The following CCDC171 variants were observed in gnomAD, a reference collection of about 807,000 sequenced individuals.
CCDC171 encodes coiled-coil domain-containing protein 171.
Under a neutral mutation model 168.2 loss-of-function variants are expected in CCDC171, and 177 were observed. The ratio of observed to expected loss-of-function variants is 1.05; its 90% CI spans 0.93 to 1.19. The LOEUF is 1.19. Ranked by LOEUF, CCDC171 falls within the 50% of genes most tolerant of loss-of-function variation. CCDC171 has a pLI of 0.00. For synonymous variants in CCDC171, 687 were observed against 540.8 expected, an observed-to-expected ratio of 1.27 and a Z score of -3.75; for missense variants, 1,991 against 1,539.0, an observed-to-expected ratio of 1.29 and a Z score of -4.91.
At chr9:15,887,106 C>A (rs1399025400) in intron 24 of CCDC171, among the ~76,000 whole-genome samples, 2 of 151,946 alleles carry the variant, frequency 1.3e-5, no homozygotes, top group Non-Finnish European at 2.9e-5. Context: ...AGTAGATCTT[C>A]AGTATTCTCA....
intron 24 of CCDC171, among the ~76,000 whole-genome samples, chr9:15,915,397 T>C (rs1824357169): frequency 6.6e-6 from 1 of 151,966 alleles, no homozygotes; most frequent in Non-Finnish European, 1.5e-5. Context: ...ATTGGATAGC[T>C]TTCTTGATTT....
At chr9:15,914,704 A>C (rs1824243720) in intron 24 of CCDC171, among the ~76,000 whole-genome samples, 2 of 145,126 alleles carry the variant, frequency 1.4e-5, no homozygotes, top group South Asian at 4.5e-4. Context: ...TGAAAAAAAA[A>C]CTCCTGCAGA....
In CCDC171 at chr9:15,578,993, G is replaced by C. The variant is rs1473071920; in HGVS notation, c.322G>C (p.Glu108Gln). The C allele has an allele frequency of 6.2e-7, 1 of 1,613,828 alleles. No homozygotes were observed. The highest frequency in any genetic ancestry group is 8.5e-7 in the Non-Finnish European group (1 of 1,179,916). The change falls in exon 4 of 26, where the codon GAG becomes CAG. Residue 108 changes from glutamate to glutamine, a missense_variant. Physicochemically the swap from Glu to Gln is conservative, Grantham distance 29 (BLOSUM62 2). Coordinates refer to ENST00000380701, the MANE Select transcript of CCDC171 (RefSeq NM_173550.4). Reference protein sequence around the residue: ...GRRAAEERLAEAHRIQEKLCA... With the variant: ...GRRAAEERLAQAHRIQEKLCA... ...ACGGGCTGCTGAAGAAAGATTAGCC[G>C]AGGCACATAGGATCCAAGAAAAACT...
intron 16 of CCDC171, among the ~76,000 whole-genome samples, chr9:15,737,701 T>C (rs775272108): frequency 1.2e-4 from 19 of 152,196 alleles, no homozygotes; most frequent in Admixed American, 7.9e-4. Context: ...ACATACTATT[T>C]TTGGCACATA....
chr9:15,656,120 C>T (rs2132922090), intron 7 of CCDC171, among the ~76,000 whole-genome samples: 1 of 152,164 alleles, frequency 6.6e-6, no homozygotes, highest in Admixed American at 6.6e-5. Flanking sequence ...GAGATCGAGA[C>T]CATCCTGGCT....
At chr9:15,912,611 G>A (rs1440284140) in intron 24 of CCDC171, among the ~76,000 whole-genome samples, 1 of 152,128 alleles carries the variant, frequency 6.6e-6, no homozygotes, top group African/African-American at 2.4e-5. Context: ...TCCTTGTCTT[G>A]TGCTAGTTTT....
At chr9:15,685,662 C>T (rs555614937) in intron 10 of CCDC171, among the ~76,000 whole-genome samples, 8 of 151,794 alleles carry the variant, frequency 5.3e-5, no homozygotes, top group Non-Finnish European at 1.2e-4. Flanking sequence ...CAACCACAAT[C>T]CAGCATTTAA....
intron 16 of CCDC171, 84 bp from the exon 17 acceptor site, chr9:15,744,189 A>G (rs1324572911): frequency 8.8e-7 from 1 of 1,131,378 alleles, no homozygotes; most frequent in Non-Finnish European, 1.2e-6. Flanking sequence ...TTGTCAGCAA[A>G]AGTTTGTTTT....
rs539083454 is a variant in CCDC171 at position 15,656,083 on chromosome 9, G to A, written c.823-1044G>A. Among the ~76,000 whole-genome samples the A allele has an allele frequency of 1.4e-3, 210 of 152,302 alleles. 1 individual carries two copies. The highest frequency in any genetic ancestry group is 5.0e-3 in the African/African-American group (206 of 41,568). ...GCCTGTAATCCTAGCACTTTGGGAGGCCGAGGCGGGCAGATCACGAGGTCA... is the reference window on the plus strand; with the variant it reads ...GCCTGTAATCCTAGCACTTTGGGAGACCGAGGCGGGCAGATCACGAGGTCA... On this transcript the variant is annotated intron_variant, in intron 7 of 25. Coordinates refer to ENST00000380701, the MANE Select transcript of CCDC171 (RefSeq NM_173550.4).
chr9:15,874,663 G>A lies in CCDC171; in HGVS notation c.3600G>A (p.Gln1200=). 6.4e-7 allele frequency: 1 copy of A among 1,570,154 alleles called. No individual in the cohort carries two copies. The highest frequency in any genetic ancestry group is 8.6e-7 in the Non-Finnish European group (1 of 1,158,962). The part of the protein sequence containing the change: ...LKGGPEVVAC[Q]AMIKSFMDVY... The stretch of plus-strand genomic sequence containing the variant: ...GCGGGCCAGAGGTGGTAGCATGCCA[G>A]GTTAGAGTCTAAATAACATTGTTTG... The change falls in exon 24 of 26, where the codon CAG becomes CAA. Residue 1200 remains glutamine, a splice_region_variant and synonymous_variant. Transcript: ENST00000380701.
At chr9:15,873,484 G>A (rs535407063) in intron 23 of CCDC171, among the ~76,000 whole-genome samples, 1 of 152,014 alleles carries the variant, frequency 6.6e-6, no homozygotes, top group Non-Finnish European at 1.5e-5. Flanking sequence ...TTGTTCTGTG[G>A]CATTGAGCTA....
chr9:15,897,368 A>AT (rs1363461732), intron 24 of CCDC171, among the ~76,000 whole-genome samples: 1 of 152,040 alleles, frequency 6.6e-6, no homozygotes, highest in African/African-American at 2.4e-5. Flanking sequence ...AAAAAATCTA[A>AT]GTCTTCTTCC....
At chr9:15,967,560 G>T (rs1440380727) in intron 25 of CCDC171, among the ~76,000 whole-genome samples, 1 of 152,152 alleles carries the variant, frequency 6.6e-6, no homozygotes, top group Non-Finnish European at 1.5e-5. Flanking sequence ...AAAAGTTAGG[G>T]TTTATAGTAT....
intron 25 of CCDC171, among the ~76,000 whole-genome samples, chr9:15,960,556 G>A (rs1382835386): frequency 6.6e-6 from 1 of 152,102 alleles, no homozygotes; most frequent in Non-Finnish European, 1.5e-5. Context: ...ATATTTTACT[G>A]TTACATAAGA....
intron 21 of CCDC171, among the ~76,000 whole-genome samples, chr9:15,799,243 C>G (rs950573758): frequency 6.8e-6 from 1 of 147,998 alleles, no homozygotes; most frequent in Admixed American, 6.8e-5. Flanking sequence ...GAGGAACTCC[C>G]TTTAACATTT....
At chr9:16,038,846 T>C (rs10962259), upstream of CCDC171, among the ~76,000 whole-genome samples, 5 of 38,050 alleles carry the variant, frequency 1.3e-4, 1 homozygote, top group South Asian at 3.0e-3. Context: ...GAAAAAAAAA[T>C]AGAAAAAGAC....
chr9:16,097,684 C>T, the CCDC171 span, among the ~76,000 whole-genome samples: 16 of 152,174 alleles, frequency 1.1e-4, no homozygotes, highest in African/African-American at 3.9e-4. Context: ...CTTCTATGTT[C>T]TGCTAGTTTT....
At chr9:15,569,360 T>A (rs2040014732) in intron 2 of CCDC171, among the ~76,000 whole-genome samples, 1 of 152,180 alleles carries the variant, frequency 6.6e-6, no homozygotes, top group South Asian at 2.1e-4. Flanking sequence ...AGTACCAATC[T>A]CATGAGATTA....
rs546311351 is a variant in CCDC171 at position 16,018,238 on chromosome 9, A to C, written n.369-2351A>C. Among the ~76,000 whole-genome samples, 80 of 152,304 alleles carry C rather than the reference A, an allele frequency of 5.3e-4. 1 individual carries two copies. Among genetic ancestry groups the C allele is most frequent in the Non-Finnish European group, 1.8e-4 (12 of 68,020 alleles). On this transcript the variant is annotated intron_variant and non_coding_transcript_variant, in intron 3 of 9. Coordinates refer to the CCDC171 transcript ENST00000486641. ...TCTGAGCTAACTTGTAAAAGAAGCT[A>C]CCAGAGGCCAGAAAGATATATTATT...
Sources: gnomAD v4.1 joint callset for allele counts (sites outside exome capture counted in the v4.1 genomes callset) on GRCh38, gnomAD v4.1.1 for gene constraint, MANE v1.5 for transcripts, NCBI Gene and HGNC (gene_info 2026-07-23, HGNC 2026-07-21) for gene names.